Variants in ERBB2 observed in about 807,000 individuals in gnomAD.
ERBB2 encodes erb-b2 receptor tyrosine kinase 2, also known as receptor tyrosine-protein kinase erbB-2.
A neutral mutation model predicts 149.0 loss-of-function variants in ERBB2; 61 were observed. That is an observed-to-expected ratio of 0.41 (90% CI 0.33 to 0.51). ERBB2 has a LOEUF of 0.51. ERBB2 is among the 20% of genes least tolerant of loss of function. ERBB2 has a pLI of 0.25. For synonymous variants in ERBB2, 633 were observed against 678.8 expected (o/e 0.93, Z 1.05); for missense variants, 1,205 against 1,655.1 (o/e 0.73, Z 4.72).
intron 16 of ERBB2, among the ~76,000 whole-genome samples, chr17:39,722,440 T>C (rs12951747): frequency 0.026 from 3,929 of 152,192 alleles, 187 homozygotes; most frequent in African/African-American, 0.091. Flanking sequence ...AGGTCAGGGC[T>C]GCAGTGGGCC....
upstream of ERBB2, among the ~76,000 whole-genome samples, chr17:39,694,262 T>C (rs1389458384): frequency 2.1e-4 from 6 of 28,894 alleles, no homozygotes; most frequent in East Asian, 5.6e-4. Flanking sequence ...TATATATATA[T>C]ATATATGTGT....
chr17:39,697,727 T>C (rs1420366275), upstream of ERBB2, among the ~76,000 whole-genome samples: 1 of 151,628 alleles, frequency 6.6e-6, no homozygotes, highest in Non-Finnish European at 1.5e-5. Flanking sequence ...GGAGTCTTAC[T>C]CTGTCACCCA....
At chr17:39,715,964 C>G in intron 12 of ERBB2, 25 bp downstream of exon 12, 1 of 1,597,936 alleles carries the variant, frequency 6.3e-7, no homozygotes, top group Non-Finnish European at 8.5e-7. Flanking sequence ...CCAGTGTGCG[C>G]ACTCCCCATC....
chr17:39,721,627 G>C (rs1161710439), intron 16 of ERBB2, among the ~76,000 whole-genome samples: 2 of 152,158 alleles, frequency 1.3e-5, no homozygotes, highest in African/African-American at 2.4e-5. Context: ...AGGCTGAAGG[G>C]ACAGCCTATG....
intron 2 of ERBB2, chr17:39,708,032 C>A: frequency 3.0e-6 from 1 of 332,970 alleles, no homozygotes. Flanking sequence ...CCATCCCATC[C>A]AGGCCTTTGC....
chr17:39,696,519 C>T (rs1288211672), upstream of ERBB2: 2 of 152,440 alleles, frequency 1.3e-5, no homozygotes, highest in Admixed American at 1.3e-4. Context: ...GACTTCTTTC[C>T]TCTGTCTCCC....
rs1233225406 is a variant in ERBB2, at chr17:39,726,249, T to A, written c.2873-313T>A. On this transcript the variant is annotated intron_variant, in intron 23 of 26. Coordinates refer to ENST00000269571, the MANE Select transcript of ERBB2 (RefSeq NM_004448.4). The surrounding 1 kb of genome is among the most constrained non-coding windows in gnomAD (Gnocchi z 5.1). Reference sequence around the variant, plus strand: ...CTCAGGAGAGGCTGAGGCAGGAAGATCACTTGAGCCTAGTTTAAGGTTGCA... The same window carrying A: ...CTCAGGAGAGGCTGAGGCAGGAAGAACACTTGAGCCTAGTTTAAGGTTGCA... The A allele has an allele frequency of 4.6e-6, 2 of 435,684 alleles. No individual in the cohort carries two copies. Among genetic ancestry groups the A allele is most frequent in the Non-Finnish European group, 8.3e-6 (2 of 240,366 alleles). 27.0% of individuals were successfully genotyped at this position (435,684 alleles called of 1,614,324 possible).
In ERBB2 at chr17:39,715,921, C is replaced by G. The variant is rs199530208; in HGVS notation, c.1495C>G (p.Arg499Gly). The G allele has an allele frequency of 6.2e-7, 1 of 1,610,460 alleles. No individual in the cohort carries two copies. The highest frequency in any genetic ancestry group is 8.5e-7 in the Non-Finnish European group (1 of 1,180,002). ...PHQALLHTAN[R>G]PEDECVGEGL... ...CCAAGCTCTGCTCCACACTGCCAAC[C>G]GGCCAGAGGACGAGTGTGGTAAGAC... The change falls in exon 12 of 27, where the codon CGG becomes GGG. Residue 499 changes from arginine (R) to glycine (G), a missense_variant. By Grantham distance (125) the Arg-to-Gly change is moderately radical. This residue lies in a region of ERBB2 where 569 missense variants were observed against 803.5 expected (regional missense o/e 0.71). Transcript: ENST00000269571.
At position 39,709,739 on chromosome 17, in the gene ERBB2, CCT is replaced by C. The variant is rs898780171; in HGVS notation, c.575-67_575-66del. 4 of 1,424,564 alleles carry C rather than the reference CCT, an allele frequency of 2.8e-6. No homozygotes were observed. The East Asian group carries it at 6.8e-5, about 24-fold the overall frequency. 88.2% of individuals were successfully genotyped at this position (1,424,564 alleles called of 1,614,324 possible). A position where few individuals can be genotyped will look rare whatever the true frequency, so the allele number is the denominator to read the frequency against. ...CTCGTGGCCTCTGCTGCTGTTTGTG[CCT>C]CTCTCTGTTACTAACCCGTCCTCTC... On this transcript the variant is annotated intron_variant, in intron 4 of 26. Coordinates refer to ENST00000269571, the MANE Select transcript of ERBB2 (RefSeq NM_004448.4).
chr17:39,694,473 G>T (rs141387151), upstream of ERBB2, among the ~76,000 whole-genome samples: 72 of 151,408 alleles, frequency 4.8e-4, no homozygotes, highest in South Asian at 1.7e-3. Flanking sequence ...AAGGAGAAAT[G>T]ATAGAGACTC....
chr17:39,699,460 T>TAAA, upstream of ERBB2: 15 of 1,092,782 alleles, frequency 1.4e-5, no homozygotes, highest in East Asian at 2.9e-5. Context: ...AAAGTTCGTT[T>TAAA]AAAAAAAAAA....
upstream of ERBB2, among the ~76,000 whole-genome samples, chr17:39,694,153 C>T (rs2057772365): frequency 8.0e-6 from 1 of 124,652 alleles, no homozygotes; most frequent in Non-Finnish European, 1.6e-5. Flanking sequence ...GACATCATGC[C>T]ACTGCGCTCC....
chr17:39,692,467 G>A (rs187123502), upstream of ERBB2, among the ~76,000 whole-genome samples: 188 of 150,448 alleles, frequency 1.2e-3, no homozygotes, highest in African/African-American at 4.5e-3. Context: ...GTGCAATGGC[G>A]CGATCTTAGC....
At position 39,716,619 on chromosome 17, in the gene ERBB2, G is replaced by T. The variant is rs774794124; in HGVS notation, c.1737+14G>T. 1 of 1,612,810 alleles carries T rather than the reference G, an allele frequency of 6.2e-7. No individual in the cohort carries two copies. On this transcript the variant is annotated intron_variant, in intron 14 of 26. Transcript: ENST00000269571. ...TGTTTTGGACCGGTGAGCTGCTGGC[G>T]GGCTCAGAGCTGGGTGGAGGGGGGC...
chr17:39,690,792 T>C (rs1450760505), upstream of ERBB2, among the ~76,000 whole-genome samples: 1 of 152,208 alleles, frequency 6.6e-6, no homozygotes, highest in Non-Finnish European at 1.5e-5. Context: ...AACTCAGGCT[T>C]ATTGAGTCCT....
Position 39,727,387 on chromosome 17 carries a change from T to C in ERBB2, c.3252T>C (p.Asp1084=), listed in dbSNP as rs779955263. 2 of 1,610,476 alleles carry C rather than the reference T, an allele frequency of 1.2e-6. No individual in the cohort carries two copies. Among genetic ancestry groups the C allele is most frequent in the Non-Finnish European group, 1.7e-6 (2 of 1,178,830 alleles). The change falls in exon 26 of 27, where the codon GAT becomes GAC. Residue 1084 remains aspartate, a synonymous_variant. Transcript: ENST00000269571. The surrounding 1 kb of genome is among the most constrained non-coding windows in gnomAD (Gnocchi z 4.3). ...PLAPSEGAGS[D]VFDGDLGMGA... ...CACCCTCCGAAGGGGCTGGCTCCGA[T>C]GTATTTGATGGTGACCTGGGAATGG...
chr17:39,728,142 A>T lies in ERBB2; in HGVS notation c.*98A>T. 2 of 808,712 alleles carry T rather than the reference A, an allele frequency of 2.5e-6. No individual in the cohort carries two copies. The highest frequency in any genetic ancestry group is 1.9e-6 in the Non-Finnish European group (1 of 525,512). 50.1% of individuals were successfully genotyped at this position (808,712 alleles called of 1,614,324 possible). On this transcript the variant is annotated 3_prime_UTR_variant, in exon 27 of 27. Transcript: ENST00000269571. ...CAAGAGGTGGGAGGGCCCTCCGACCACTTCCAGGGGAACCTGCCATGCCAG... is the reference window on the plus strand; with the variant it reads ...CAAGAGGTGGGAGGGCCCTCCGACCTCTTCCAGGGGAACCTGCCATGCCAG...
chr17:39,698,709 G>C (rs2057934134), upstream of ERBB2, among the ~76,000 whole-genome samples: 1 of 152,150 alleles, frequency 6.6e-6, no homozygotes, highest in Non-Finnish European at 1.5e-5. Context: ...GTGTATACCT[G>C]TAAAGAGGTG....
At position 39,726,821 on chromosome 17, in the gene ERBB2, G is replaced by T; in HGVS notation, c.2977G>T (p.Asp993Tyr). Residue 993 changes from aspartate to tyrosine, a missense_variant, in exon 25 of 27, where the codon GAC (aspartate) becomes TAC (tyrosine). Physicochemically the swap from Asp to Tyr is radical, Grantham distance 160. Transcript: ENST00000269571. This position sits in a 1 kb window ranked among gnomAD's most constrained non-coding sequence, Gnocchi z 5.1. ...GCCTCTCCTTCCTCCACAGAATGAG[G>T]ACTTGGGCCCAGCCAGTCCCTTGGA... Reference protein sequence around the residue: ...PQRFVVIQNEDLGPASPLDST... With the variant: ...PQRFVVIQNEYLGPASPLDST... 3.7e-6 allele frequency: 6 copies of T among 1,612,000 alleles called. No homozygotes were observed. Among genetic ancestry groups the T allele is most frequent in the South Asian group, 1.1e-5 (1 of 90,904 alleles).
Sources: allele counts gnomAD v4.1 joint callset (sites outside exome capture counted in the v4.1 genomes callset), GRCh38; gene constraint gnomAD v4.1.1; regional missense constraint gnomAD v4.1.1; non-coding constraint Gnocchi (gnomAD v3.1); transcripts MANE v1.5; gene names NCBI Gene and HGNC (gene_info 2026-07-23, HGNC 2026-07-21).